The following TMEM132B variants were observed in gnomAD, a reference collection of about 807,000 sequenced individuals.
TMEM132B encodes the protein transmembrane protein 132B.
TMEM132B carries 18 observed loss-of-function variants against 90.8 expected under a neutral mutation model. The ratio of observed to expected loss-of-function variants is 0.20; its 90% CI spans 0.14 to 0.29. The LOEUF is 0.29. TMEM132B is among the 10% of genes least tolerant of loss of function. TMEM132B has a pLI of 1.00. For synonymous variants in TMEM132B, 504 were observed against 523.3 expected (o/e 0.96, Z 0.50); for missense variants, 1,096 against 1,326.8 (o/e 0.83, Z 2.70).
intron 1 of TMEM132B, among the ~76,000 whole-genome samples, chr12:125,200,283 C>G (rs1873024874): frequency 6.6e-6 from 1 of 152,100 alleles, no homozygotes; most frequent in African/African-American, 2.4e-5. Flanking sequence ...TATAGATAAG[C>G]CTGAAGTCCT....
intron 1 of TMEM132B, among the ~76,000 whole-genome samples, chr12:125,264,171 A>G (rs1447670261): frequency 1.3e-5 from 2 of 152,110 alleles, no homozygotes; most frequent in Non-Finnish European, 2.9e-5. Flanking sequence ...GAAAGCATGC[A>G]TTCAACCTGT....
intron 3 of TMEM132B, among the ~76,000 whole-genome samples, chr12:125,474,056 T>TCC (rs1881794798): frequency 4.2e-4 from 55 of 129,474 alleles, no homozygotes; most frequent in African/African-American, 1.5e-3. Context: ...CCTTCTTTCT[T>TCC]TTTCCTTTCC....
chr12:125,556,755 T>A (rs961197702), intron 4 of TMEM132B, among the ~76,000 whole-genome samples: 5 of 152,194 alleles, frequency 3.3e-5, no homozygotes, highest in Non-Finnish European at 5.9e-5. Flanking sequence ...AGACATTACA[T>A]CTGTGTTCCT....
intron 3 of TMEM132B, among the ~76,000 whole-genome samples, chr12:125,478,704 A>T (rs1224574127): frequency 6.6e-6 from 1 of 152,232 alleles, no homozygotes; most frequent in Non-Finnish European, 1.5e-5. Context: ...ATTATCGAGG[A>T]GAACTTCCCC....
At chr12:125,522,318 C>T (rs1427454537) in intron 4 of TMEM132B, among the ~76,000 whole-genome samples, 1 of 152,146 alleles carries the variant, frequency 6.6e-6, no homozygotes, top group African/African-American at 2.4e-5. Context: ...AGAATGTGAA[C>T]ACGGAAAGTT....
chr12:125,603,946 A>G (rs1393424465), intron 5 of TMEM132B, among the ~76,000 whole-genome samples: 2 of 150,838 alleles, frequency 1.3e-5, no homozygotes, highest in South Asian at 2.1e-4. Flanking sequence ...TCAAGAAACA[A>G]TGGAGACTGG....
At chr12:125,623,916 G>A (rs967461573) in intron 5 of TMEM132B, among the ~76,000 whole-genome samples, 13 of 152,174 alleles carry the variant, frequency 8.5e-5, no homozygotes, top group Admixed American at 6.5e-4. Context: ...CACTAAGTGG[G>A]CACAGATCAG....
intron 4 of TMEM132B, among the ~76,000 whole-genome samples, chr12:125,533,937 T>A (rs139834419): frequency 5.3e-4 from 80 of 152,300 alleles, no homozygotes; most frequent in Admixed American, 1.3e-3. Context: ...AAAATCAGAA[T>A]CTCAGCACCC....
At chr12:125,236,028 C>G (rs1276637495) in intron 1 of TMEM132B, among the ~76,000 whole-genome samples, 1 of 152,028 alleles carries the variant, frequency 6.6e-6, no homozygotes, top group Non-Finnish European at 1.5e-5. Context: ...GTCTTGAACT[C>G]CTGACCTCAA....
At chr12:125,304,793 T>C (rs554709130) in intron 1 of TMEM132B, among the ~76,000 whole-genome samples, 4 of 152,026 alleles carry the variant, frequency 2.6e-5, no homozygotes, top group Non-Finnish European at 5.9e-5. Flanking sequence ...TCTGCGCCTG[T>C]GAATAGCCAC....
chr12:125,385,802 A>G (rs1878813371), intron 2 of TMEM132B, among the ~76,000 whole-genome samples: 1 of 152,156 alleles, frequency 6.6e-6, no homozygotes, highest in African/African-American at 2.4e-5. Flanking sequence ...GATATTCATT[A>G]ATTTATTAGT....
chr12:125,518,861 C>T (rs1175907541), intron 3 of TMEM132B, among the ~76,000 whole-genome samples: 4 of 152,290 alleles, frequency 2.6e-5, no homozygotes, highest in South Asian at 2.1e-4. Context: ...TTATGTTGCT[C>T]GTAGTTTATG....
intron 5 of TMEM132B, among the ~76,000 whole-genome samples, chr12:125,639,448 C>T (rs1300920482): frequency 6.6e-6 from 1 of 152,202 alleles, no homozygotes; most frequent in Non-Finnish European, 1.5e-5. Context: ...CATATTCATT[C>T]ACACACTCAG....
rs1262991219 is a variant in TMEM132B, at chr12:125,657,165, C to T, written c.*2455C>T. ...ACAGTCCTGAAGATGCTTCTTGTGACAACTTAGAGTCACTGGGAGTCACAC... is the reference window on the plus strand; with the variant it reads ...ACAGTCCTGAAGATGCTTCTTGTGATAACTTAGAGTCACTGGGAGTCACAC... On this transcript the variant is annotated 3_prime_UTR_variant, in exon 9 of 9. Coordinates refer to ENST00000682704, the MANE Select transcript of TMEM132B (RefSeq NM_001366854.1). The T allele has an allele frequency of 6.6e-6, 1 of 152,200 alleles. No individual in the cohort carries two copies. Among genetic ancestry groups the T allele is most frequent in the East Asian group, 1.9e-4 (1 of 5,200 alleles). The allele number at this position is 152,200 out of a possible 1,614,324, so 9.4% of individuals were successfully genotyped here.
At chr12:125,356,758 C>T (rs1429509848) in intron 2 of TMEM132B, among the ~76,000 whole-genome samples, 2 of 152,212 alleles carry the variant, frequency 1.3e-5, no homozygotes, top group Admixed American at 6.5e-5. Flanking sequence ...TTCCTCTCCC[C>T]ACTCAGCAAC....
intron 3 of TMEM132B, among the ~76,000 whole-genome samples, chr12:125,514,296 T>C (rs1458436241): frequency 6.6e-6 from 1 of 152,164 alleles, no homozygotes; most frequent in African/African-American, 2.4e-5. Context: ...CTACAGTTTT[T>C]CAGGCACTGT....
rs1250929497 is a variant in TMEM132B, at chr12:125,206,334, GT to G, written c.67+19470del. On this transcript the variant is annotated intron_variant, in intron 1 of 8. Transcript: ENST00000682704. ...GCTCACTGCAACCTCCGCCTCCCGG[GT>G]TCACATGATTCTCCTGCCTCCGCCT... 7.3e-5 allele frequency among the ~76,000 whole-genome samples: 11 copies of G among 150,630 alleles called. No individual in the cohort carries two copies. In the South Asian group the frequency reaches 2.3e-3, roughly 31 times the overall value.
At chr12:125,345,405 TCCCAC>T (rs1008547648) in intron 1 of TMEM132B, among the ~76,000 whole-genome samples, 1 of 152,190 alleles carries the variant, frequency 6.6e-6, no homozygotes, top group Non-Finnish European at 1.5e-5. Flanking sequence ...GGGATTCATG[TCCCAC>T]CAGTGCTGAC....
intron 1 of TMEM132B, among the ~76,000 whole-genome samples, chr12:125,208,720 G>A (rs1048789407): frequency 6.6e-6 from 1 of 152,200 alleles, no homozygotes; most frequent in Admixed American, 6.5e-5. Context: ...GGCCTTTGGT[G>A]GGGGTCTGTT....
Sources: allele counts gnomAD v4.1 joint callset (sites outside exome capture counted in the v4.1 genomes callset), GRCh38; gene constraint gnomAD v4.1.1; transcripts MANE v1.5; gene names NCBI Gene and HGNC (gene_info 2026-07-23, HGNC 2026-07-21).